ATF2: variants seen among roughly 807,000 people sequenced by gnomAD.
ATF2 encodes activating transcription factor 2.
ATF2 carries 24 observed loss-of-function variants against 60.6 expected under a neutral mutation model. That is an observed-to-expected ratio of 0.40 (90% CI 0.29 to 0.56). The LOEUF (loss-of-function observed/expected upper bound fraction) is 0.56. Among genes scored for constraint, ATF2 ranks in the 20% least tolerant of loss-of-function variants. The pLI, the probability that ATF2 is intolerant of heterozygous loss-of-function variation, is 0.54. For missense variants in ATF2, 433 were observed against 607.7 expected (o/e 0.71, Z 3.02); for synonymous variants, 206 against 215.4 (o/e 0.96, Z 0.38).
intron 12 of ATF2, among the ~76,000 whole-genome samples, chr2:175,090,363 T>C (rs970943669): frequency 6.6e-6 from 1 of 152,200 alleles, no homozygotes; most frequent in Non-Finnish European, 1.5e-5. Context: ...AATATTCCAT[T>C]GTACATATAA....
chr2:175,114,997 A>G (rs1696451437), intron 7 of ATF2, 129 bp from the exon 8 acceptor site: 2 of 734,680 alleles, frequency 2.7e-6, no homozygotes, highest in Non-Finnish European at 4.0e-6. Context: ...TAATATCTCA[A>G]ATTAATTAAA....
chr2:175,128,212 T>C (rs1644249032), intron 4 of ATF2, among the ~76,000 whole-genome samples: 2 of 152,312 alleles, frequency 1.3e-5, no homozygotes, highest in Admixed American at 6.5e-5. Flanking sequence ...AAAACTTAGC[T>C]TCAACTGGCT....
intron 8 of ATF2, 186 bp downstream of exon 8, chr2:175,114,504 A>C (rs939410016): frequency 7.7e-7 from 1 of 1,306,336 alleles, no homozygotes; most frequent in African/African-American, 1.5e-5. Context: ...AGTTGTATTT[A>C]TCTCCCACTC....
intron 13 of ATF2, among the ~76,000 whole-genome samples, chr2:175,078,716 G>C (rs1019681636): frequency 6.6e-6 from 1 of 152,128 alleles, no homozygotes; most frequent in Non-Finnish European, 1.5e-5. Context: ...ACTCACCACT[G>C]TTAGCAAGAG....
chr2:175,134,221 G>A (rs1352079036), intron 3 of ATF2, among the ~76,000 whole-genome samples: 1 of 152,066 alleles, frequency 6.6e-6, no homozygotes, highest in Non-Finnish European at 1.5e-5. Context: ...CATTGTAGTA[G>A]GTATTAAAAG....
intron 3 of ATF2, among the ~76,000 whole-genome samples, chr2:175,131,436 A>G (rs1030792899): frequency 9.2e-5 from 14 of 152,206 alleles, no homozygotes; most frequent in Admixed American, 9.2e-4. Context: ...TGAGAATCAC[A>G]GTTTATTAAT....
chr2:175,092,938 TA>T, intron 12 of ATF2, 122 bp downstream of exon 12: 1 of 977,236 alleles, frequency 1.0e-6, no homozygotes, highest in Non-Finnish European at 1.5e-6. Flanking sequence ...TGATTTACTA[TA>T]GATTCCATAC....
At chr2:175,107,822 G>GC (rs1166378566) in intron 10 of ATF2, among the ~76,000 whole-genome samples, 5 of 152,298 alleles carry the variant, frequency 3.3e-5, no homozygotes, top group East Asian at 3.9e-4. Context: ...GCCAGCCTCG[G>GC]CCCCCCGAGG....
chr2:175,139,846 G>T (rs564232113), intron 2 of ATF2, among the ~76,000 whole-genome samples: 1 of 152,190 alleles, frequency 6.6e-6, no homozygotes, highest in East Asian at 1.9e-4. Flanking sequence ...TCAGCAAATT[G>T]TAAATACTTC....
chr2:175,158,278 T>C (rs1392168013), intron 1 of ATF2, among the ~76,000 whole-genome samples: 2 of 147,930 alleles, frequency 1.4e-5, no homozygotes, highest in Non-Finnish European at 3.0e-5. Flanking sequence ...GCTCTGTAAG[T>C]ACAGTGGCCC....
At position 175,073,121 on chromosome 2, in the gene ATF2, A is replaced by G. The variant is rs1693050127; in HGVS notation, c.*1488T>C. ...CAGAAGTTGCTACTGGGTAGGACTCATAACTATTTTACAAAGTTTTCTTAC... is the reference window on the plus strand; with the variant it reads ...CAGAAGTTGCTACTGGGTAGGACTCGTAACTATTTTACAAAGTTTTCTTAC... On this transcript the variant is annotated 3_prime_UTR_variant, in exon 14 of 14. Transcript: ENST00000264110. 1 of 152,186 alleles carries G rather than the reference A, an allele frequency of 6.6e-6. No homozygotes were observed. Among genetic ancestry groups the G allele is most frequent in the Non-Finnish European group, 1.5e-5 (1 of 68,024 alleles). 9.4% of individuals were successfully genotyped at this position (152,186 alleles called of 1,614,324 possible).
At position 175,140,999 on chromosome 2, in the gene ATF2, G is replaced by GAA. The variant is rs869208203; in HGVS notation, c.-43-4515_-43-4514dup. The stretch of plus-strand genomic sequence containing the variant: ...GGGATAGAGCAAGACCCTATCTCAG[G>GAA]AAAAAAAAAAAAAAAAAAAAAAAAA... On this transcript the variant is annotated intron_variant, in intron 2 of 13. Transcript: ENST00000264110. Among the ~76,000 whole-genome samples, 9 of 26,772 alleles carry GAA rather than the reference G, an allele frequency of 3.4e-4. 1 individual carries two copies. Among genetic ancestry groups the GAA allele is most frequent in the Non-Finnish European group, 5.1e-4 (8 of 15,596 alleles). The allele number at this position is 26,772 out of a possible 152,430, so 17.6% of individuals were successfully genotyped here.
chr2:175,153,995 G>A (rs903527268), intron 1 of ATF2, among the ~76,000 whole-genome samples: 3 of 151,594 alleles, frequency 2.0e-5, no homozygotes, highest in South Asian at 2.1e-4. Context: ...CGAGGTGGGC[G>A]GATCACCTGA....
intron 12 of ATF2, among the ~76,000 whole-genome samples, chr2:175,087,408 C>T (rs1483092143): frequency 6.6e-6 from 1 of 152,164 alleles, no homozygotes; most frequent in Admixed American, 6.5e-5. Flanking sequence ...CACCGCTCCA[C>T]TCTAATAATG....
intron 5 of ATF2, among the ~76,000 whole-genome samples, chr2:175,119,211 C>T (rs1696786376): frequency 1.3e-5 from 2 of 151,632 alleles, no homozygotes; most frequent in South Asian, 2.1e-4. Flanking sequence ...TTTAGTGTTA[C>T]TATTTTCAAG....
rs1365022154 is a variant in ATF2, at chr2:175,114,971, A to G, written c.448-103T>C. 9 of 1,123,862 alleles carry G rather than the reference A, an allele frequency of 8.0e-6. No homozygotes were observed. In the East Asian group the frequency reaches 1.6e-4, roughly 20 times the overall value. The allele number at this position is 1,123,862 out of a possible 1,614,324, so 69.6% of individuals were successfully genotyped here. On this transcript the variant is annotated intron_variant, in intron 7 of 13. Coordinates refer to ENST00000264110, the MANE Select transcript of ATF2 (RefSeq NM_001880.4). ...TTCTAAAAGCATCTACAGAATAATA[A>G]CTGCTAAAAGCAAATTAATATCTCA... is the stretch of plus-strand genomic sequence containing the variant.
intron 1 of ATF2, among the ~76,000 whole-genome samples, chr2:175,166,461 T>C (rs1700356738): frequency 6.6e-6 from 1 of 152,204 alleles, no homozygotes; most frequent in Non-Finnish European, 1.5e-5. Context: ...TTTCTTAATC[T>C]GCAGAGGGGA....
intron 1 of ATF2, chr2:175,167,609 G>A (rs1318528812): frequency 2.1e-6 from 1 of 482,110 alleles, no homozygotes; most frequent in East Asian, 6.7e-5. Flanking sequence ...ACCAGAGTGG[G>A]CCCTCTCCCC....
chr2:175,105,390 T>C (rs1037971201), intron 10 of ATF2, among the ~76,000 whole-genome samples: 4 of 150,196 alleles, frequency 2.7e-5, no homozygotes, highest in African/African-American at 7.4e-5. Context: ...TTGCTACACA[T>C]GCTGGAAAAG....
Sources: allele counts gnomAD v4.1 joint callset (sites outside exome capture counted in the v4.1 genomes callset), GRCh38; gene constraint gnomAD v4.1.1; transcripts MANE v1.5; gene names NCBI Gene and HGNC (gene_info 2026-07-23, HGNC 2026-07-21).